The following USP34 variants were observed in gnomAD, a reference collection of about 807,000 sequenced individuals.
USP34 encodes the protein ubiquitin carboxyl-terminal hydrolase 34.
Under a neutral mutation model 460.3 loss-of-function variants are expected in USP34, and 70 were observed. The ratio of observed to expected loss-of-function variants is 0.15; its 90% CI spans 0.13 to 0.19. The LOEUF is 0.19. Among genes scored for constraint, USP34 ranks in the 10% least tolerant of loss-of-function variants. The probability of loss-of-function intolerance (pLI) is 1.00; values close to 1 mark genes in which losing one functional copy is unlikely to be tolerated. For missense variants in USP34, 3,985 were observed against 4,236.2 expected (o/e 0.94, Z 1.65); for synonymous variants, 1,647 against 1,405.3 (o/e 1.17, Z -3.85).
At chr2:61,322,269 C>A (rs142738066) in intron 21 of USP34, among the ~76,000 whole-genome samples, 1 of 151,838 alleles carries the variant, frequency 6.6e-6, no homozygotes, top group Non-Finnish European at 1.5e-5. Flanking sequence ...AAAAAAGGAC[C>A]CTTATGATGA....
chr2:61,205,819 G>A (rs1026308622), intron 72 of USP34, among the ~76,000 whole-genome samples, 198 bp downstream of exon 72: 2 of 152,182 alleles, frequency 1.3e-5, no homozygotes, highest in Non-Finnish European at 2.9e-5. Flanking sequence ...TAAGTAATCT[G>A]CCCATTATCA....
At chr2:61,434,996 G>C (rs111924970) in intron 1 of USP34, among the ~76,000 whole-genome samples, 1 of 152,058 alleles carries the variant, frequency 6.6e-6, no homozygotes, top group African/African-American at 2.4e-5. Flanking sequence ...AATAATTCAT[G>C]ATTTTAATGA....
At chr2:61,364,417 T>C (rs1692367422) in intron 10 of USP34, among the ~76,000 whole-genome samples, 1 of 152,058 alleles carries the variant, frequency 6.6e-6, no homozygotes. Context: ...ACGAAGGAAA[T>C]TAAGAGTTAT....
At chr2:61,385,221 A>G (rs1693099851) in intron 5 of USP34, among the ~76,000 whole-genome samples, 1 of 152,212 alleles carries the variant, frequency 6.6e-6, no homozygotes, top group Non-Finnish European at 1.5e-5. Context: ...AAAATAATCA[A>G]TTAAACAACA....
At chr2:61,295,341 AAAAG>A (rs1558514783) in intron 30 of USP34, 51 bp from the exon 31 acceptor site, 1 of 1,533,652 alleles carries the variant, frequency 6.5e-7, no homozygotes, top group Non-Finnish European at 8.7e-7. Context: ...GGGAACACAA[AAAAG>A]AAAAACTTTA....
intron 27 of USP34, among the ~76,000 whole-genome samples, chr2:61,309,560 G>A (rs1397970018): frequency 1.3e-5 from 2 of 152,136 alleles, no homozygotes; most frequent in African/African-American, 2.4e-5. Context: ...AATGGACGAC[G>A]AATCTGGCCC....
At position 61,301,302 on chromosome 2, in the gene USP34, CTGA is replaced by C. The variant is rs1558518154; in HGVS notation, c.3918+49_3918+51del. 13 of 1,575,280 alleles carry C rather than the reference CTGA, an allele frequency of 8.3e-6. No homozygotes were observed. In the East Asian group the frequency reaches 1.3e-4, roughly 16 times the overall value. On this transcript the variant is annotated intron_variant, in intron 28 of 79. Coordinates refer to ENST00000398571, the MANE Select transcript of USP34 (RefSeq NM_014709.4). ...TTAAACTACATCTGCGACTATTCAACTGATGATTATAAACAGATCATTAAAACT... is the reference window on the plus strand; with the variant it reads ...TTAAACTACATCTGCGACTATTCAACTGATTATAAACAGATCATTAAAACT...
At position 61,349,252 on chromosome 2, in the gene USP34, G is replaced by C; in HGVS notation, c.1541C>G (p.Pro514Arg). The C allele has an allele frequency of 6.2e-7, 1 of 1,612,672 alleles. No individual in the cohort carries two copies. The highest frequency in any genetic ancestry group is 1.7e-5 in the Admixed American group (1 of 59,702). The part of the protein sequence containing the change: ...EEELRRTAPS[P>R]WSPAASPQSS... ...TGAATTTCTAAGGCTCAACTTACAA[G>C]GTGATGGAGCTGTTCTTCTAAGCTC... The change falls in exon 13 of 80, where the codon CCT (proline) becomes CGT (arginine). Residue 514 changes from proline to arginine, a missense_variant and splice_region_variant. Pro to Arg is a moderately radical substitution (Grantham distance 103). Coordinates refer to ENST00000398571, the MANE Select transcript of USP34 (RefSeq NM_014709.4).
chr2:61,351,684 T>C (rs946450895), intron 10 of USP34, among the ~76,000 whole-genome samples: 2 of 152,122 alleles, frequency 1.3e-5, no homozygotes, highest in African/African-American at 4.8e-5. Flanking sequence ...CTGCTTCTCT[T>C]TCAGGGTAAA....
intron 20 of USP34, among the ~76,000 whole-genome samples, chr2:61,326,143 G>A (rs1691081567): frequency 6.6e-6 from 1 of 152,028 alleles, no homozygotes; most frequent in Non-Finnish European, 1.5e-5. Context: ...GTGCTGGTGA[G>A]TGGGGGTGAG....
At position 61,300,983 on chromosome 2, in the gene USP34, G is replaced by A; in HGVS notation, c.4096C>T (p.Pro1366Ser). ...LLEMLASFKP[P>S]SGKVAVDDSE... The stretch of plus-strand genomic sequence containing the variant: ...TCATCCACTGCCACTTTTCCTGAGG[G>A]TGGTTTAAATGATGCAAGCATCTCT... Residue 1366 changes from proline to serine, a missense_variant, in exon 29 of 80, where the codon CCC becomes TCC. By Grantham distance (74) the Pro-to-Ser change is moderately conservative. Around this residue, in one of 14 missense-constraint regions of USP34, gnomAD observed 1,114 missense variants for 1,122.5 expected, o/e 0.99. Transcript: ENST00000398571. 3.1e-6 allele frequency: 5 copies of A among 1,612,822 alleles called. No individual in the cohort carries two copies. The highest frequency in any genetic ancestry group is 4.2e-6 in the Non-Finnish European group (5 of 1,179,636).
chr2:61,295,397 C>T, intron 30 of USP34, 107 bp from the exon 31 acceptor site: 1 of 1,184,172 alleles, frequency 8.4e-7, no homozygotes, highest in Non-Finnish European at 1.1e-6. Flanking sequence ...ATTATATATA[C>T]TTTGAAACAT....
chr2:61,318,942 T>C (rs955235159), intron 22 of USP34, among the ~76,000 whole-genome samples: 1 of 152,214 alleles, frequency 6.6e-6, no homozygotes, highest in African/African-American at 2.4e-5. Flanking sequence ...TGAATTATTG[T>C]AGCTAATAGA....
chr2:61,293,407 A>C (rs1689923028), intron 33 of USP34, 57 bp downstream of exon 33: 84 of 1,311,298 alleles, frequency 6.4e-5, no homozygotes, highest in Non-Finnish European at 9.1e-5. Flanking sequence ...GATGAAATGG[A>C]AGTATTTCAA....
chr2:61,455,912 C>G (rs2104082657), intron 1 of USP34, among the ~76,000 whole-genome samples: 1 of 152,216 alleles, frequency 6.6e-6, no homozygotes, highest in Non-Finnish European at 1.5e-5. Flanking sequence ...TAGCCAAAGT[C>G]AGAGACTTAA....
chr2:61,241,472 C>T, intron 53 of USP34, 88 bp downstream of exon 53: 2 of 889,564 alleles, frequency 2.2e-6, no homozygotes, highest in Non-Finnish European at 3.4e-6. Flanking sequence ...AGATATCAAC[C>T]TGTAGAACCT....
At chr2:61,428,979 C>T (rs1245821891) in intron 1 of USP34, among the ~76,000 whole-genome samples, 2 of 151,952 alleles carry the variant, frequency 1.3e-5, no homozygotes, top group East Asian at 3.9e-4. Flanking sequence ...TTTACTCACA[C>T]TAGAAACAAA....
chr2:61,373,354 G>T (rs1692689747), intron 8 of USP34, among the ~76,000 whole-genome samples: 2 of 150,780 alleles, frequency 1.3e-5, no homozygotes, highest in Admixed American at 6.6e-5. Context: ...TCAAGGCAGA[G>T]ATTATATGAC....
chr2:61,301,973 GGAAA>G (rs148862524), intron 27 of USP34, among the ~76,000 whole-genome samples: 16 of 151,326 alleles, frequency 1.1e-4, no homozygotes, highest in African/African-American at 1.7e-4. Context: ...AAAGGAAAAA[GGAAA>G]GAAAGAAAGA....
Sources: gnomAD v4.1 joint callset for allele counts (sites outside exome capture counted in the v4.1 genomes callset) on GRCh38, gnomAD v4.1.1 for gene constraint, gnomAD v4.1.1 regional missense constraint, MANE v1.5 for transcripts, NCBI Gene and HGNC (gene_info 2026-07-23, HGNC 2026-07-21) for gene names.